The following CCNB2 variants were observed in gnomAD, a reference collection of about 807,000 sequenced individuals.
The protein encoded by CCNB2 is cyclin B2.
Under a neutral mutation model 51.1 loss-of-function variants are expected in CCNB2, and 39 were observed. The observed-to-expected ratio is 0.76, with a 90% CI of 0.59 to 1.00. CCNB2 has a LOEUF of 1.00. CCNB2 is among the 50% of genes least tolerant of loss of function. The probability of loss-of-function intolerance (pLI) is 0.00; values close to 1 mark genes in which losing one functional copy is unlikely to be tolerated. For missense variants in CCNB2, 472 were observed against 470.3 expected, an observed-to-expected ratio of 1.00 and a Z score of -0.03; for synonymous variants, 174 against 165.5, an observed-to-expected ratio of 1.05 and a Z score of -0.40.
chr15:59,124,774 A>G lies in CCNB2; in HGVS notation c.1094A>G (p.Lys365Arg), dbSNP rs766285505. The change falls in exon 9 of 9, where the codon AAG becomes AGG. Residue 365 changes from lysine to arginine, a missense_variant. Transcript: ENST00000288207. ...NENLTKFIAI[K>R]NKYASSKLLK... ...CACAAATGACTTCTGCAGGCCATCA[A>G]GAATAAGTATGCAAGCAGCAAACTC... The G allele has an allele frequency of 4.3e-6, 7 of 1,613,216 alleles. No homozygotes were observed. The highest frequency in any genetic ancestry group is 5.1e-6 in the Non-Finnish European group (6 of 1,179,314).
chr15:59,112,798 G>T (rs1489950778), intron 3 of CCNB2, among the ~76,000 whole-genome samples: 2 of 151,638 alleles, frequency 1.3e-5, no homozygotes, highest in African/African-American at 2.4e-5. Flanking sequence ...ACTTTGGGAG[G>T]CCGAGGTGGG....
intron 6 of CCNB2, 44 bp downstream of exon 6, chr15:59,116,970 C>T (rs1054578115): frequency 6.8e-7 from 1 of 1,476,626 alleles, no homozygotes; most frequent in Non-Finnish European, 9.4e-7. Context: ...TGCTTGGTGT[C>T]TCATCCCAGA....
chr15:59,106,404 C>T (rs1256109748), intron 1 of CCNB2, among the ~76,000 whole-genome samples: 1 of 152,192 alleles, frequency 6.6e-6, no homozygotes, highest in Admixed American at 6.5e-5. Context: ...GCTTGAGTTT[C>T]CCTGGCCCCT....
At chr15:59,123,699 G>T in intron 8 of CCNB2, 72 bp downstream of exon 8, 1 of 737,714 alleles carries the variant, frequency 1.4e-6, no homozygotes. Context: ...TGGGCGGGGG[G>T]GGGCGGTGTG....
intron 3 of CCNB2, among the ~76,000 whole-genome samples, chr15:59,109,450 G>GAAATA (rs1352306807): frequency 2.6e-5 from 4 of 152,130 alleles, no homozygotes; most frequent in Admixed American, 2.6e-4. Context: ...ATAGAGTAGA[G>GAAATA]AAATACCCTA....
chr15:59,121,868 G>A (rs550271018), intron 7 of CCNB2, among the ~76,000 whole-genome samples: 12 of 141,308 alleles, frequency 8.5e-5, no homozygotes, highest in Non-Finnish European at 1.7e-4. Context: ...GAAGGTAGAC[G>A]TTGCAGTGAG....
chr15:59,120,181 C>T (rs2079296311), intron 7 of CCNB2, among the ~76,000 whole-genome samples: 1 of 152,192 alleles, frequency 6.6e-6, no homozygotes, highest in Non-Finnish European at 1.5e-5. Flanking sequence ...GTGCCCACAT[C>T]TTGGATACTA....
chr15:59,109,876 C>T (rs946264803), intron 3 of CCNB2, among the ~76,000 whole-genome samples: 3 of 152,102 alleles, frequency 2.0e-5, no homozygotes, highest in Admixed American at 6.6e-5. Flanking sequence ...GTCCCAGCTA[C>T]TTGGGAGGCT....
At chr15:59,106,911 T>TC (rs2079237656) in intron 1 of CCNB2, among the ~76,000 whole-genome samples, 1 of 152,246 alleles carries the variant, frequency 6.6e-6, no homozygotes, top group African/African-American at 2.4e-5. Flanking sequence ...TTATTATTTT[T>TC]CATCTTAATT....
intron 1 of CCNB2, among the ~76,000 whole-genome samples, chr15:59,106,962 A>G (rs2079237815): frequency 6.6e-6 from 1 of 152,224 alleles, no homozygotes; most frequent in Non-Finnish European, 1.5e-5. Context: ...TTTTAAATAT[A>G]TGCCTTTAAC....
chr15:59,111,584 CTT>C (rs2079257264), intron 3 of CCNB2, among the ~76,000 whole-genome samples: 1 of 152,154 alleles, frequency 6.6e-6, no homozygotes, highest in South Asian at 2.1e-4. Flanking sequence ...AGTTTTTCAC[CTT>C]AACGTTTGGA....
At chr15:59,119,214 T>C (rs2079291700) in intron 7 of CCNB2, among the ~76,000 whole-genome samples, 1 of 152,156 alleles carries the variant, frequency 6.6e-6, no homozygotes, top group South Asian at 2.1e-4. Flanking sequence ...GTGAAATTGG[T>C]AACAGAACAC....
At chr15:59,122,854 C>T (rs1171137853) in intron 7 of CCNB2, among the ~76,000 whole-genome samples, 11 of 152,216 alleles carry the variant, frequency 7.2e-5, no homozygotes, top group African/African-American at 2.4e-4. Flanking sequence ...TATCTTCTTA[C>T]ATGATACATC....
Position 59,124,885 on chromosome 15 carries a change from TG to T in CCNB2, c.*10del. ...CTGATAGGAAGGTCCTAGGCTGCCGTGGCCCCTGGGGATGTGTGCTTCATTG... is the reference window on the plus strand; with the variant it reads ...CTGATAGGAAGGTCCTAGGCTGCCGTGCCCCTGGGGATGTGTGCTTCATTG... On this transcript the variant is annotated 3_prime_UTR_variant, in exon 9 of 9. Transcript: ENST00000288207. 6.5e-7 allele frequency: 1 copy of T among 1,535,422 alleles called. No homozygotes were observed. Among genetic ancestry groups the T allele is most frequent in the Non-Finnish European group, 8.8e-7 (1 of 1,136,480 alleles).
intron 1 of CCNB2, among the ~76,000 whole-genome samples, chr15:59,106,182 C>T (rs2079235071): frequency 6.6e-6 from 1 of 152,136 alleles, no homozygotes; most frequent in East Asian, 1.9e-4. Context: ...CAGGCTTCTA[C>T]CCATAAGCAT....
intron 4 of CCNB2, 21 bp downstream of exon 4, chr15:59,114,635 T>C (rs2079271087): frequency 6.3e-7 from 1 of 1,586,210 alleles, no homozygotes; most frequent in Admixed American, 1.7e-5. Context: ...CTTTGTGTTT[T>C]GGTTGTATAA....
At chr15:59,119,473 A>C (rs1333313013) in intron 7 of CCNB2, among the ~76,000 whole-genome samples, 1 of 151,142 alleles carries the variant, frequency 6.6e-6, no homozygotes, top group African/African-American at 2.5e-5. Context: ...AAAAAAAAAA[A>C]AAAACAAATC....
intron 3 of CCNB2, 43 bp downstream of exon 3, chr15:59,107,713 T>C: frequency 2.0e-6 from 3 of 1,490,778 alleles, no homozygotes; most frequent in Non-Finnish European, 1.9e-6. Flanking sequence ...TGAGGTAGCC[T>C]GTTTTTAGCC....
chr15:59,123,449 C>T (rs2079311712), intron 7 of CCNB2, 68 bp from the exon 8 acceptor site: 1 of 854,844 alleles, frequency 1.2e-6, no homozygotes, highest in Non-Finnish European at 2.0e-6. Flanking sequence ...AAGATGTGTT[C>T]TTCTAAAGAA....
Sources: gnomAD v4.1 joint callset for allele counts (sites outside exome capture counted in the v4.1 genomes callset) on GRCh38, gnomAD v4.1.1 for gene constraint, MANE v1.5 for transcripts, NCBI Gene and HGNC (gene_info 2026-07-23, HGNC 2026-07-21) for gene names.